The following CHRM5 variants were observed in gnomAD, a reference collection of about 807,000 sequenced individuals.
CHRM5 encodes cholinergic receptor muscarinic 5, also known as muscarinic acetylcholine receptor M5.
In CHRM5, 18 loss-of-function variants were observed where a neutral mutation model predicts 39.0. The observed-to-expected ratio is 0.46, with a 90% CI of 0.32 to 0.68. CHRM5 has a LOEUF of 0.68. Among genes scored for constraint, CHRM5 ranks in the 30% least tolerant of loss-of-function variants. The probability of loss-of-function intolerance (pLI) is 0.04; values close to 1 mark genes in which losing one functional copy is unlikely to be tolerated. For missense variants in CHRM5, 515 were observed against 651.1 expected (o/e 0.79, Z 2.28); for synonymous variants, 241 against 246.3 (o/e 0.98, Z 0.20).
chr15:34,043,672 G>C (rs953553105), intron 1 of CHRM5, among the ~76,000 whole-genome samples: 1 of 152,126 alleles, frequency 6.6e-6, no homozygotes, highest in African/African-American at 2.4e-5. Context: ...GACTTGAAGG[G>C]CTGGAGTCAT....
chr15:33,993,839 G>C, intron 1 of CHRM5, among the ~76,000 whole-genome samples: 1 of 3,180 alleles, frequency 3.1e-4, no homozygotes, highest in East Asian at 0.021. Context: ...TAAAAAATAG[G>C]GTTTTTTTTT....
chr15:34,009,238 C>T (rs1897527674), intron 1 of CHRM5, among the ~76,000 whole-genome samples: 1 of 152,022 alleles, frequency 6.6e-6, no homozygotes, highest in Non-Finnish European at 1.5e-5. Context: ...CTCTAACAGG[C>T]CCACCTTACA....
intron 1 of CHRM5, among the ~76,000 whole-genome samples, chr15:34,017,218 A>G (rs979617433): frequency 1.3e-5 from 2 of 152,176 alleles, no homozygotes; most frequent in Non-Finnish European, 2.9e-5. Context: ...CTGTTCACCT[A>G]TTAACAATTC....
intron 1 of CHRM5, chr15:34,007,145 T>A (rs922443747): frequency 1.5e-6 from 1 of 664,852 alleles, no homozygotes; most frequent in Non-Finnish European, 1.9e-6. Flanking sequence ...ACTGCCGAGC[T>A]ATTATCTTGT....
At chr15:34,054,750 G>C (rs1430167823) in intron 2 of CHRM5, among the ~76,000 whole-genome samples, 1 of 152,134 alleles carries the variant, frequency 6.6e-6, no homozygotes, top group Non-Finnish European at 1.5e-5. Flanking sequence ...TAATACCTAG[G>C]TAATGGGATG....
chr15:34,047,808 GC>G (rs1206730940), intron 2 of CHRM5, among the ~76,000 whole-genome samples: 2 of 152,008 alleles, frequency 1.3e-5, no homozygotes, highest in Non-Finnish European at 2.9e-5. Flanking sequence ...GAGTGCAATG[GC>G]GCAATCTCGG....
chr15:33,993,740 C>A (rs934901881), intron 1 of CHRM5, among the ~76,000 whole-genome samples: 9 of 152,296 alleles, frequency 5.9e-5, no homozygotes, highest in South Asian at 2.1e-4. Flanking sequence ...AATCATTACA[C>A]CTCATCTCCC....
At chr15:34,019,450 A>C (rs551520390) in intron 1 of CHRM5, among the ~76,000 whole-genome samples, 32 of 152,324 alleles carry the variant, frequency 2.1e-4, no homozygotes, top group South Asian at 2.1e-3. Context: ...AAAAAAGCAT[A>C]AGTTTAGTGT....
At chr15:34,009,515 C>G (rs970901730) in intron 1 of CHRM5, among the ~76,000 whole-genome samples, 1 of 152,056 alleles carries the variant, frequency 6.6e-6, no homozygotes, top group Non-Finnish European at 1.5e-5. Flanking sequence ...ACAGGAGATT[C>G]ACTTTAGATT....
intron 2 of CHRM5, 115 bp downstream of exon 2, chr15:34,046,986 C>T (rs1269654051): frequency 6.6e-6 from 1 of 152,236 alleles, no homozygotes; most frequent in Admixed American, 6.5e-5. Flanking sequence ...AGGTCCAACA[C>T]ACAGAGCTGT....
intron 1 of CHRM5, among the ~76,000 whole-genome samples, chr15:34,041,036 TC>T (rs1899454255): frequency 6.6e-6 from 1 of 152,140 alleles, no homozygotes; most frequent in South Asian, 2.1e-4. Context: ...AAGTTGAAGA[TC>T]CACACATTAA....
Position 34,063,507 on chromosome 15 carries a change from C to T in CHRM5, c.790C>T (p.Arg264Trp), listed in dbSNP as rs764541495. 5.6e-6 allele frequency: 9 copies of T among 1,613,618 alleles called. No individual in the cohort carries two copies. In the East Asian group the frequency reaches 6.7e-5, roughly 12 times the overall value. Residue 264 changes from arginine (R) to tryptophan (W), a missense_variant, in exon 3 of 3, where the codon CGG becomes TGG. By Grantham distance (101) the Arg-to-Trp change is moderately radical (BLOSUM62 -3). Transcript: ENST00000383263. This position sits in a 1 kb window ranked among gnomAD's most constrained non-coding sequence, Gnocchi z 4.1. ...LRCPRPTLAQRERNQASWSSS... is the reference protein window; with the variant it reads ...LRCPRPTLAQWERNQASWSSS... Reference sequence around the variant, plus strand: ...CTGTCCTCGACCCACCCTGGCCCAGCGGGAAAGGAACCAGGCCTCCTGGTC... The same window carrying T: ...CTGTCCTCGACCCACCCTGGCCCAGTGGGAAAGGAACCAGGCCTCCTGGTC...
At chr15:34,025,772 T>C (rs1449997082) in intron 1 of CHRM5, among the ~76,000 whole-genome samples, 1 of 151,732 alleles carries the variant, frequency 6.6e-6, no homozygotes, top group Non-Finnish European at 1.5e-5. Context: ...GTGTGTGTGT[T>C]TGTGTGTGTG....
At chr15:33,980,316 T>C (rs1896077971) in intron 1 of CHRM5, among the ~76,000 whole-genome samples, 1 of 152,188 alleles carries the variant, frequency 6.6e-6, no homozygotes, top group Non-Finnish European at 1.5e-5. Flanking sequence ...CTTTCAAGAA[T>C]CATCGCACTG....
chr15:34,018,938 T>C (rs901358874), intron 1 of CHRM5, among the ~76,000 whole-genome samples: 7 of 152,120 alleles, frequency 4.6e-5, no homozygotes, highest in Non-Finnish European at 1.0e-4. Flanking sequence ...TGGTGTTTTT[T>C]ACAATCCTTC....
intron 1 of CHRM5, among the ~76,000 whole-genome samples, chr15:34,015,361 T>C (rs1053188768): frequency 5.3e-5 from 8 of 151,804 alleles, no homozygotes; most frequent in Admixed American, 3.3e-4. Context: ...CGGGCACCTG[T>C]AGTCCAGCTA....
chr15:33,980,538 A>G (rs1597303730), intron 1 of CHRM5, among the ~76,000 whole-genome samples: 1 of 152,336 alleles, frequency 6.6e-6, no homozygotes, highest in East Asian at 1.9e-4. Context: ...AATATTAAAT[A>G]TACATGTATG....
intron 1 of CHRM5, among the ~76,000 whole-genome samples, chr15:33,973,320 C>G (rs1352970198): frequency 6.6e-6 from 1 of 152,276 alleles, no homozygotes; most frequent in African/African-American, 2.4e-5. Context: ...TTTTTTGGTA[C>G]AGTAACCTAG....
At chr15:33,996,577 C>T (rs2140595479) in intron 1 of CHRM5, among the ~76,000 whole-genome samples, 1 of 152,340 alleles carries the variant, frequency 6.6e-6, no homozygotes. Context: ...CTGGAGTGGA[C>T]CTCCCACAAA....
Sources: allele counts gnomAD v4.1 joint callset (sites outside exome capture counted in the v4.1 genomes callset), GRCh38; gene constraint gnomAD v4.1.1; non-coding constraint Gnocchi (gnomAD v3.1); transcripts MANE v1.5; gene names NCBI Gene and HGNC (gene_info 2026-07-23, HGNC 2026-07-21).